Variants in STARD13 observed in about 807,000 individuals in gnomAD.
STARD13 encodes StAR related lipid transfer domain containing 13.
Under a neutral mutation model 106.4 loss-of-function variants are expected in STARD13, and 62 were observed. The ratio of observed to expected loss-of-function variants is 0.58; its 90% CI spans 0.48 to 0.72. The LOEUF (loss-of-function observed/expected upper bound fraction) is 0.72. Among genes scored for constraint, STARD13 ranks in the 30% least tolerant of loss-of-function variants. The probability of loss-of-function intolerance (pLI) is 0.00; values close to 1 mark genes in which losing one functional copy is unlikely to be tolerated. For synonymous variants in STARD13, 565 were observed against 553.0 expected, an observed-to-expected ratio of 1.02 and a Z score of -0.31; for missense variants, 1,387 against 1,424.0, an observed-to-expected ratio of 0.97 and a Z score of 0.42.
the STARD13 span, among the ~76,000 whole-genome samples, chr13:33,602,293 G>A: frequency 1.3e-5 from 2 of 152,102 alleles, no homozygotes; most frequent in Non-Finnish European, 2.9e-5. Context: ...GGGTTTCATC[G>A]TGTTAGCCAG....
the STARD13 span, among the ~76,000 whole-genome samples, chr13:33,583,125 G>A: frequency 2.6e-5 from 4 of 152,194 alleles, no homozygotes; most frequent in African/African-American, 9.7e-5. Flanking sequence ...GTTGCTGTGA[G>A]TTTTCTTTTG....
the STARD13 span, among the ~76,000 whole-genome samples, chr13:33,670,327 C>T: frequency 6.6e-6 from 1 of 152,088 alleles, no homozygotes; most frequent in East Asian, 1.9e-4. Flanking sequence ...ATATGGGCAG[C>T]GCTAATGCAA....
the STARD13 span, among the ~76,000 whole-genome samples, chr13:33,435,984 C>T: frequency 1.3e-3 from 194 of 152,270 alleles, 1 homozygote; most frequent in Non-Finnish European, 1.8e-3. Flanking sequence ...TTCCTACATA[C>T]TCTATACTTC....
chr13:33,164,428 A>G (rs922024540), intron 3 of STARD13: 18 of 152,200 alleles, frequency 1.2e-4, no homozygotes, highest in Admixed American at 8.5e-4. Flanking sequence ...TATACTAGAA[A>G]GAACATTGGA....
chr13:33,626,867 T>C, the STARD13 span, among the ~76,000 whole-genome samples: 1 of 152,250 alleles, frequency 6.6e-6, no homozygotes, highest in Admixed American at 6.5e-5. Context: ...ACACTTTTGA[T>C]TACATGTTTG....
intron 1 of STARD13, among the ~76,000 whole-genome samples, chr13:33,260,397 C>T (rs1287223603): frequency 3.3e-5 from 5 of 152,350 alleles, no homozygotes; most frequent in Middle Eastern, 3.4e-3. Context: ...CCATTGCCAA[C>T]GCTGCTTCAA....
chr13:33,242,628 C>T (rs1369885058), intron 1 of STARD13, among the ~76,000 whole-genome samples: 2 of 152,196 alleles, frequency 1.3e-5, no homozygotes, highest in East Asian at 3.9e-4. Context: ...GCGGCAGGGC[C>T]CTCTGCCTAG....
chr13:33,414,568 T>C, the STARD13 span, among the ~76,000 whole-genome samples: 1 of 152,148 alleles, frequency 6.6e-6, no homozygotes, highest in East Asian at 1.9e-4. Context: ...GTATGTTTCA[T>C]TTATATATCA....
the STARD13 span, among the ~76,000 whole-genome samples, chr13:33,463,067 A>G: frequency 2.0e-5 from 3 of 152,342 alleles, no homozygotes; most frequent in African/African-American, 7.2e-5. Context: ...TAACTGAATA[A>G]GTAAATAGTT....
At chr13:33,539,514 T>C in the STARD13 span, among the ~76,000 whole-genome samples, 1 of 152,216 alleles carries the variant, frequency 6.6e-6, no homozygotes, top group Non-Finnish European at 1.5e-5. Flanking sequence ...CAGTAATCAA[T>C]ACAGTGTGGG....
the STARD13 span, among the ~76,000 whole-genome samples, chr13:33,641,326 C>T: frequency 1.2e-4 from 19 of 152,182 alleles, no homozygotes; most frequent in African/African-American, 4.3e-4. Context: ...AATGATCCTC[C>T]CACCTTTGCC....
the STARD13 span, among the ~76,000 whole-genome samples, chr13:33,611,719 CCA>C: frequency 6.6e-6 from 1 of 152,124 alleles, no homozygotes; most frequent in African/African-American, 2.4e-5. Flanking sequence ...GAATCCATGC[CCA>C]GAGTCAAATG....
the STARD13 span, among the ~76,000 whole-genome samples, chr13:33,544,190 A>G: frequency 1.5e-4 from 23 of 152,370 alleles, no homozygotes; most frequent in African/African-American, 5.3e-4. Context: ...GGAAGATGCC[A>G]GGTTTTTTTC....
chr13:33,311,138 A>G (rs547753474), intron 1 of STARD13, among the ~76,000 whole-genome samples: 1 of 151,786 alleles, frequency 6.6e-6, no homozygotes, highest in South Asian at 2.1e-4. Context: ...TTAAAAAAAA[A>G]AAAAAAAAAA....
the STARD13 span, among the ~76,000 whole-genome samples, chr13:33,642,798 C>T: frequency 2.0e-5 from 3 of 151,054 alleles, no homozygotes; most frequent in South Asian, 6.3e-4. Context: ...TGTGAGATCC[C>T]CAGATACTGC....
At chr13:33,182,125 C>T (rs537797268) in intron 1 of STARD13, among the ~76,000 whole-genome samples, 8 of 152,332 alleles carry the variant, frequency 5.3e-5, no homozygotes, top group Middle Eastern at 3.4e-3. Flanking sequence ...ACATCATACA[C>T]ACATAGACTA....
intron 1 of STARD13, among the ~76,000 whole-genome samples, chr13:33,187,286 C>T (rs746302518): frequency 1.3e-4 from 20 of 152,154 alleles, no homozygotes; most frequent in Non-Finnish European, 2.1e-4. Context: ...TGAGAACTGC[C>T]CACTTTTGAT....
Position 33,125,268 on chromosome 13 carries a change from G to A in STARD13, c.2082+813C>T, listed in dbSNP as rs546625613. Reference sequence around the variant, plus strand: ...ATGGCATCAAAAAGTATGATGAACAGGGACTATTACAGAATAGCTGCCTGG... The same window carrying A: ...ATGGCATCAAAAAGTATGATGAACAAGGACTATTACAGAATAGCTGCCTGG... On this transcript the variant is annotated intron_variant, in intron 7 of 13. Coordinates refer to ENST00000336934, the MANE Select transcript of STARD13 (RefSeq NM_178006.4). Among the ~76,000 whole-genome samples, 5 of 152,304 alleles carry A rather than the reference G, an allele frequency of 3.3e-5. No homozygotes were observed. In the South Asian group the frequency reaches 1.0e-3, roughly 32 times the overall value.
chr13:33,452,635 C>T, the STARD13 span, among the ~76,000 whole-genome samples: 1 of 152,060 alleles, frequency 6.6e-6, no homozygotes, highest in African/African-American at 2.4e-5. Flanking sequence ...TAGTTATATG[C>T]GCTTAGGCAA....
Sources: gnomAD v4.1 joint callset for allele counts (sites outside exome capture counted in the v4.1 genomes callset) on GRCh38, gnomAD v4.1.1 for gene constraint, MANE v1.5 for transcripts, NCBI Gene and HGNC (gene_info 2026-07-23, HGNC 2026-07-21) for gene names.